RAB38: variants seen among roughly 807,000 people sequenced by gnomAD.
The protein encoded by RAB38 is ras-related protein Rab-38.
A neutral mutation model predicts 18.4 loss-of-function variants in RAB38; 15 were observed. That is an observed-to-expected ratio of 0.82 (90% confidence interval 0.55 to 1.26). RAB38 has a LOEUF of 1.26. Ranked by LOEUF, RAB38 falls within the 50% of genes most tolerant of loss-of-function variation. The pLI, the probability that RAB38 is intolerant of heterozygous loss-of-function variation, is 0.00. For synonymous variants in RAB38, 101 were observed against 104.4 expected (o/e 0.97, Z 0.20); for missense variants, 294 against 267.4 (o/e 1.10, Z -0.69).
chr11:88,067,338 C>A, the RAB38 span, among the ~76,000 whole-genome samples: 1 of 135,462 alleles, frequency 7.4e-6, no homozygotes, highest in African/African-American at 2.9e-5. Flanking sequence ...CCCTCTGCAC[C>A]CATTTAGCAA....
At chr11:88,076,976 G>GAA in the RAB38 span, among the ~76,000 whole-genome samples, 1 of 58,098 alleles carries the variant, frequency 1.7e-5, no homozygotes, top group East Asian at 3.9e-4. Context: ...AAAAAAAAAA[G>GAA]AAAGAAAGAA....
the RAB38 span, among the ~76,000 whole-genome samples, chr11:87,953,672 A>C: frequency 6.6e-6 from 1 of 152,176 alleles, no homozygotes; most frequent in African/African-American, 2.4e-5. Flanking sequence ...ATCATGGTCT[A>C]CATAGGGTTC....
At chr11:87,958,509 C>G in the RAB38 span, among the ~76,000 whole-genome samples, 2 of 152,194 alleles carry the variant, frequency 1.3e-5, no homozygotes, top group African/African-American at 4.8e-5. Context: ...AAATGAACCC[C>G]AGGAAGCGAG....
chr11:87,871,900 TTACTGA>T, the RAB38 span, among the ~76,000 whole-genome samples: 1 of 151,766 alleles, frequency 6.6e-6, no homozygotes, highest in Middle Eastern at 3.4e-3. Flanking sequence ...AACCATTCTA[TTACTGA>T]TACTGATTAT....
the RAB38 span, among the ~76,000 whole-genome samples, chr11:87,907,787 T>A: frequency 6.6e-6 from 1 of 151,806 alleles, no homozygotes. Flanking sequence ...TTCAATCCAA[T>A]AATATGTTTT....
chr11:88,043,609 C>G, the RAB38 span, among the ~76,000 whole-genome samples: 1 of 141,284 alleles, frequency 7.1e-6, no homozygotes, highest in Admixed American at 7.0e-5. Context: ...GTGACCCCCC[C>G]ACCCTGCCCA....
At chr11:87,880,146 A>G in the RAB38 span, 4 of 151,820 alleles carry the variant, frequency 2.6e-5, no homozygotes, top group East Asian at 7.8e-4. Context: ...GACTATTACT[A>G]GAAATAGTAT....
At chr11:88,155,777 A>G (rs35010784) in intron 1 of RAB38, among the ~76,000 whole-genome samples, 25 of 152,338 alleles carry the variant, frequency 1.6e-4, no homozygotes, top group South Asian at 6.2e-4. Context: ...ATTGAAAAGA[A>G]ACGTCTAAAG....
chr11:87,945,532 G>A, the RAB38 span, among the ~76,000 whole-genome samples: 3 of 152,108 alleles, frequency 2.0e-5, no homozygotes, highest in African/African-American at 7.2e-5. Context: ...TGAATTCAGT[G>A]CTGTGGTTGA....
chr11:88,079,005 C>G, the RAB38 span, among the ~76,000 whole-genome samples: 2 of 151,564 alleles, frequency 1.3e-5, no homozygotes, highest in Non-Finnish European at 3.0e-5. Flanking sequence ...ATATGTACAT[C>G]TATTATGTAT....
the RAB38 span, among the ~76,000 whole-genome samples, chr11:87,955,689 T>C: frequency 6.7e-6 from 1 of 148,798 alleles, no homozygotes; most frequent in Non-Finnish European, 1.5e-5. Context: ...AATCAATCTT[T>C]CTATCATCTG....
chr11:87,944,609 G>T, the RAB38 span, among the ~76,000 whole-genome samples: 1 of 152,110 alleles, frequency 6.6e-6, no homozygotes, highest in Non-Finnish European at 1.5e-5. Flanking sequence ...GACCACTCTT[G>T]GGCCTTAGGA....
chr11:87,893,311 TAC>T, the RAB38 span, among the ~76,000 whole-genome samples: 2 of 142,806 alleles, frequency 1.4e-5, no homozygotes, highest in African/African-American at 5.0e-5. Context: ...TGTATATATA[TAC>T]ACACACATAC....
intron 2 of RAB38, among the ~76,000 whole-genome samples, chr11:88,124,939 A>T (rs1403292332): frequency 6.6e-6 from 1 of 152,204 alleles, no homozygotes; most frequent in South Asian, 2.1e-4. Context: ...TTGCTACGCA[A>T]TAAGTTATGT....
At chr11:88,034,421 A>G in the RAB38 span, among the ~76,000 whole-genome samples, 2 of 152,364 alleles carry the variant, frequency 1.3e-5, no homozygotes, top group African/African-American at 4.8e-5. Flanking sequence ...TTTATAAGAA[A>G]TTGCCTACTA....
At chr11:87,840,711 A>T in the RAB38 span, among the ~76,000 whole-genome samples, 12 of 152,354 alleles carry the variant, frequency 7.9e-5, no homozygotes, top group African/African-American at 2.9e-4. Context: ...ATAAAAAGTA[A>T]TGTAAAATTA....
the RAB38 span, among the ~76,000 whole-genome samples, chr11:88,033,169 C>T: frequency 6.6e-6 from 1 of 151,544 alleles, no homozygotes; most frequent in Non-Finnish European, 1.5e-5. Context: ...TAGGTGGGAA[C>T]TGAACAATGA....
At chr11:87,950,217 T>C in the RAB38 span, among the ~76,000 whole-genome samples, 1 of 152,168 alleles carries the variant, frequency 6.6e-6, no homozygotes, top group African/African-American at 2.4e-5. Context: ...AACCCCTGCC[T>C]TTTTTTATTT....
chr11:88,031,583 T>C, the RAB38 span, among the ~76,000 whole-genome samples: 709 of 151,690 alleles, frequency 4.7e-3, 5 homozygotes, highest in African/African-American at 0.016. Flanking sequence ...TATACACCAA[T>C]AACAGACAAA....
Sources: allele counts gnomAD v4.1 joint callset (sites outside exome capture counted in the v4.1 genomes callset), GRCh38; gene constraint gnomAD v4.1.1; transcripts MANE v1.5; gene names NCBI Gene and HGNC (gene_info 2026-07-23, HGNC 2026-07-21).